STPG2: variants seen among roughly 807,000 people sequenced by gnomAD.
STPG2 encodes the protein sperm-tail PG-rich repeat-containing protein 2.
In STPG2, 56 loss-of-function variants were observed where a neutral mutation model predicts 54.2. The ratio of observed to expected loss-of-function variants is 1.03; its 90% confidence interval spans 0.83 to 1.29. The LOEUF is 1.29. STPG2 is among the 50% of genes most tolerant of loss of function. The pLI is 0.00. For synonymous variants in STPG2, 200 were observed against 181.8 expected (o/e 1.10, Z -0.81); for missense variants, 596 against 544.9 (o/e 1.09, Z -0.93).
chr4:97,442,034 A>G (rs1729098211), intron 4 of STPG2, among the ~76,000 whole-genome samples: 1 of 151,998 alleles, frequency 6.6e-6, no homozygotes, highest in African/African-American at 2.4e-5. Context: ...ACTAGATATT[A>G]TCTTAGCAGA....
At chr4:97,892,210 T>A (rs908505835) in intron 8 of STPG2, among the ~76,000 whole-genome samples, 3 of 152,100 alleles carry the variant, frequency 2.0e-5, no homozygotes, top group Admixed American at 2.0e-4. Flanking sequence ...AGTGTAAAAA[T>A]GTGGGCAAGT....
At chr4:97,954,674 T>C (rs956408347) in intron 7 of STPG2, among the ~76,000 whole-genome samples, 26 of 152,140 alleles carry the variant, frequency 1.7e-4, no homozygotes, top group African/African-American at 6.3e-4. Context: ...ATGGCAAAAA[T>C]GTAATCAGCA....
chr4:98,106,032 A>C lies in STPG2; in HGVS notation c.533T>G (p.Ile178Ser), dbSNP rs1739178521. The C allele has an allele frequency of 6.6e-7, 1 of 1,516,202 alleles. No homozygotes were observed. The highest frequency in any genetic ancestry group is 9.0e-7 in the Non-Finnish European group (1 of 1,109,828). The allele number at this position is 1,516,202 out of a possible 1,614,324, so 93.9% of individuals were successfully genotyped here. A position where few individuals can be genotyped will look rare whatever the true frequency, so the allele number is the denominator to read the frequency against. The change falls in exon 5 of 11, where the codon ATC (isoleucine) becomes AGC (serine). Residue 178 changes from isoleucine (I) to serine (S), a missense_variant. Ile to Ser is a moderately radical substitution (Grantham distance 142). Coordinates refer to ENST00000295268, the MANE Select transcript of STPG2 (RefSeq NM_174952.3). ...KKTSYYENVNIKRDQQQNYCS... is the reference protein window; with the variant it reads ...KKTSYYENVNSKRDQQQNYCS... ...ATAATTTTGTTGTTGATCTCTCTTG[A>C]TGTTAACATTTTCATAATATGATGT...
intron 9 of STPG2, among the ~76,000 whole-genome samples, chr4:97,785,140 GTATGT>G (rs923922757): frequency 8.4e-4 from 128 of 152,046 alleles, no homozygotes; most frequent in African/African-American, 2.9e-3. Context: ...AGTCTTTCAA[GTATGT>G]TATAATTGTA....
chr4:97,795,794 G>C (rs1727152676), intron 9 of STPG2, among the ~76,000 whole-genome samples: 1 of 152,140 alleles, frequency 6.6e-6, no homozygotes, highest in Non-Finnish European at 1.5e-5. Flanking sequence ...CACAATGGGT[G>C]AACTAGTTTA....
At chr4:97,594,893 C>T (rs1444725177) in intron 10 of STPG2, among the ~76,000 whole-genome samples, 1 of 152,088 alleles carries the variant, frequency 6.6e-6, no homozygotes, top group African/African-American at 2.4e-5. Flanking sequence ...ATCAAAACCA[C>T]AAGGAGATAC....
At chr4:97,617,694 G>A (rs1376171644) in intron 10 of STPG2, among the ~76,000 whole-genome samples, 1 of 152,022 alleles carries the variant, frequency 6.6e-6, no homozygotes, top group East Asian at 1.9e-4. Context: ...TCCCTTTTCT[G>A]AGCAATGGAA....
At chr4:97,608,391 AG>A (rs1578421147) in intron 10 of STPG2, among the ~76,000 whole-genome samples, 2 of 152,178 alleles carry the variant, frequency 1.3e-5, no homozygotes, top group African/African-American at 4.8e-5. Context: ...ACAGTGGCAC[AG>A]GTATAAGTGA....
intron 8 of STPG2, among the ~76,000 whole-genome samples, chr4:97,943,541 G>T (rs35214820): frequency 2.1e-5 from 2 of 97,198 alleles, no homozygotes; most frequent in African/African-American, 9.7e-5. Flanking sequence ...ATTTCAAGAC[G>T]AATTCCATTG....
chr4:97,901,454 C>T (rs1286652487), intron 8 of STPG2, among the ~76,000 whole-genome samples: 1 of 151,732 alleles, frequency 6.6e-6, no homozygotes, highest in Non-Finnish European at 1.5e-5. Context: ...CTACTGCCCC[C>T]CCAAAAAAAG....
intron 8 of STPG2, among the ~76,000 whole-genome samples, chr4:97,876,037 C>T (rs910015248): frequency 3.3e-5 from 5 of 151,938 alleles, no homozygotes; most frequent in African/African-American, 1.2e-4. Flanking sequence ...AAAAATTCAG[C>T]CAGTACACAG....
At chr4:97,538,255 GA>G (rs1460433522) in intron 4 of STPG2, among the ~76,000 whole-genome samples, 2 of 152,164 alleles carry the variant, frequency 1.3e-5, no homozygotes. Context: ...CGAGCTAAAG[GA>G]GGAAGTTCAA....
At chr4:98,071,569 C>T (rs1483187991) in intron 5 of STPG2, among the ~76,000 whole-genome samples, 1 of 152,130 alleles carries the variant, frequency 6.6e-6, no homozygotes, top group Non-Finnish European at 1.5e-5. Context: ...CAAGTGGGAT[C>T]TAATTAAACT....
chr4:97,804,982 C>T (rs1727506951), intron 9 of STPG2, among the ~76,000 whole-genome samples: 1 of 152,096 alleles, frequency 6.6e-6, no homozygotes, highest in Non-Finnish European at 1.5e-5. Flanking sequence ...TGTAATTACG[C>T]TCTATGATGT....
chr4:97,822,489 T>C (rs959716559), intron 9 of STPG2, among the ~76,000 whole-genome samples: 7 of 152,204 alleles, frequency 4.6e-5, no homozygotes, highest in Non-Finnish European at 1.0e-4. Flanking sequence ...GTTATCTTTA[T>C]AGCAATGCCC....
At chr4:98,087,560 CTTTTT>C (rs70955916) in intron 5 of STPG2, among the ~76,000 whole-genome samples, 2 of 132,280 alleles carry the variant, frequency 1.5e-5, no homozygotes, top group African/African-American at 2.9e-5. Context: ...CTCTTTTTTT[CTTTTT>C]TTTTTTTTTT....
chr4:97,736,243 T>G (rs1244459156), intron 9 of STPG2, among the ~76,000 whole-genome samples: 2 of 152,116 alleles, frequency 1.3e-5, no homozygotes, highest in African/African-American at 4.8e-5. Context: ...GATGGCCGAA[T>G]AGGAACAGCT....
At chr4:98,072,613 T>TAAAATAAAATAAAATAAAACAAAAG (rs1553939187) in intron 5 of STPG2, among the ~76,000 whole-genome samples, 109 of 135,272 alleles carry the variant, frequency 8.1e-4, no homozygotes, top group Non-Finnish European at 1.1e-3. Context: ...TAAAATAAAA[T>TAAAATAAAATAAAATAAAACAAAAG]AAAACAAAAC....
At chr4:97,506,958 A>G (rs758409572) in intron 4 of STPG2, among the ~76,000 whole-genome samples, 5 of 152,238 alleles carry the variant, frequency 3.3e-5, no homozygotes, top group Non-Finnish European at 5.9e-5. Flanking sequence ...TATGTAATCC[A>G]AACTTGAAAA....
Sources: gnomAD v4.1 joint callset for allele counts (sites outside exome capture counted in the v4.1 genomes callset) on GRCh38, gnomAD v4.1.1 for gene constraint, MANE v1.5 for transcripts, NCBI Gene and HGNC (gene_info 2026-07-23, HGNC 2026-07-21) for gene names.